Variants in CAMTA1 observed in about 807,000 individuals in gnomAD.
CAMTA1 encodes the protein calmodulin-binding transcription activator 1.
CAMTA1 carries 27 observed loss-of-function variants against 170.9 expected under a neutral mutation model. The ratio of observed to expected loss-of-function variants is 0.16; its 90% CI spans 0.12 to 0.22. The LOEUF (loss-of-function observed/expected upper bound fraction) is 0.22. Ranked by LOEUF, CAMTA1 falls within the 10% of genes least tolerant of loss-of-function variation. The probability of loss-of-function intolerance (pLI) is 1.00; values close to 1 mark genes in which losing one functional copy is unlikely to be tolerated. For synonymous variants in CAMTA1, 833 were observed against 891.5 expected, an observed-to-expected ratio of 0.93 and a Z score of 1.17; for missense variants, 1,619 against 2,217.2, an observed-to-expected ratio of 0.73 and a Z score of 5.42.
At position 7,009,899 on chromosome 1, in the gene CAMTA1, G is replaced by GCTTGGT. The variant is rs1185674599; in HGVS notation, c.235-81403_235-81398dup. On this transcript the variant is annotated intron_variant, in intron 3 of 22. Transcript: ENST00000303635. ...CTGCGGTCCTCGTGCTTGGGCTCTAGCTTGGTCCAAAAGGCTTTCCTCAGG... is the reference window on the plus strand; with the variant it reads ...CTGCGGTCCTCGTGCTTGGGCTCTAGCTTGGTCTTGGTCCAAAAGGCTTTCCTCAGG... Among the ~76,000 whole-genome samples, 4 of 152,330 alleles carry GCTTGGT rather than the reference G, an allele frequency of 2.6e-5. No individual in the cohort carries two copies. The East Asian group carries it at 5.8e-4, about 22-fold the overall frequency.
At chr1:6,943,791 G>A (rs1237810642) in intron 3 of CAMTA1, among the ~76,000 whole-genome samples, 2 of 143,078 alleles carry the variant, frequency 1.4e-5, no homozygotes, top group Non-Finnish European at 3.0e-5. Flanking sequence ...AGGTTGCAGT[G>A]AGCCGAAATC....
At chr1:6,956,692 C>T (rs970489150) in intron 3 of CAMTA1, among the ~76,000 whole-genome samples, 5 of 152,088 alleles carry the variant, frequency 3.3e-5, no homozygotes, top group Non-Finnish European at 7.4e-5. Flanking sequence ...AGGATGGCCT[C>T]GTAAAGAGGG....
rs1699216751 is a variant in CAMTA1, at chr1:7,007,753, C to T, written c.235-83551C>T. On this transcript the variant is annotated intron_variant, in intron 3 of 22. Coordinates refer to ENST00000303635, the MANE Select transcript of CAMTA1 (RefSeq NM_015215.4). The surrounding 1 kb of genome is among the most constrained non-coding windows in gnomAD (Gnocchi z 4.5). Reference sequence around the variant, plus strand: ...TCTTCCAGTGCTTTCCGACCCTGTGCTTTTCTACCGACTTCTGGGCCGGGT... The same window carrying T: ...TCTTCCAGTGCTTTCCGACCCTGTGTTTTTCTACCGACTTCTGGGCCGGGT... Among the ~76,000 whole-genome samples, 1 of 152,184 alleles carries T rather than the reference C, an allele frequency of 6.6e-6. No homozygotes were observed. The highest frequency in any genetic ancestry group is 1.5e-5 in the Non-Finnish European group (1 of 68,032).
chr1:7,142,052 A>G (rs1358550746), intron 4 of CAMTA1: 1 of 515,676 alleles, frequency 1.9e-6, no homozygotes, highest in South Asian at 1.4e-5. Context: ...TGTGCTGGGA[A>G]GGGCCCTTGC....
chr1:7,623,679 G>A (rs2095614161), intron 6 of CAMTA1, among the ~76,000 whole-genome samples: 1 of 152,240 alleles, frequency 6.6e-6, no homozygotes, highest in Non-Finnish European at 1.5e-5. Context: ...TGTATTTTCA[G>A]GAGAGATGGG....
intron 3 of CAMTA1, among the ~76,000 whole-genome samples, chr1:6,940,141 A>C (rs1686185408): frequency 6.6e-6 from 1 of 152,238 alleles, no homozygotes; most frequent in Admixed American, 6.5e-5. Flanking sequence ...TCTCTAGAGA[A>C]ACAGGACCCC....
chr1:6,923,213 C>T (rs534253389), intron 3 of CAMTA1, among the ~76,000 whole-genome samples: 2 of 152,250 alleles, frequency 1.3e-5, no homozygotes, highest in East Asian at 3.9e-4. Context: ...ATAGCACTGG[C>T]TGGTGCTGTC....
intron 5 of CAMTA1, among the ~76,000 whole-genome samples, chr1:7,310,940 A>G (rs1676640050): frequency 6.6e-6 from 1 of 152,190 alleles, no homozygotes; most frequent in Middle Eastern, 3.4e-3. Flanking sequence ...CATGTTGGCC[A>G]GGCTGATCTC....
chr1:7,419,239 T>G (rs895804430), intron 5 of CAMTA1, among the ~76,000 whole-genome samples: 2 of 152,176 alleles, frequency 1.3e-5, no homozygotes, highest in Non-Finnish European at 2.9e-5. Context: ...CACTGCAACC[T>G]CCACCTCCTG....
intron 4 of CAMTA1, among the ~76,000 whole-genome samples, chr1:7,130,997 AG>A (rs969729681): frequency 8.6e-5 from 13 of 150,384 alleles, no homozygotes; most frequent in African/African-American, 3.2e-4. Flanking sequence ...CTCTGTCACC[AG>A]GCTGGAGTGC....
chr1:6,831,671 A>C (rs1557652763), intron 3 of CAMTA1, among the ~76,000 whole-genome samples: 2 of 152,222 alleles, frequency 1.3e-5, no homozygotes, highest in South Asian at 2.1e-4. Flanking sequence ...TTTTTGAACT[A>C]ATGTTCTTTT....
intron 7 of CAMTA1, among the ~76,000 whole-genome samples, chr1:7,656,722 G>A (rs1360329429): frequency 6.6e-6 from 1 of 152,210 alleles, no homozygotes. Flanking sequence ...CCTTCCCCCA[G>A]CCCTCTCTTC....
intron 11 of CAMTA1, among the ~76,000 whole-genome samples, chr1:7,714,412 C>T (rs1486985222): frequency 3.9e-5 from 6 of 152,204 alleles, no homozygotes; most frequent in Admixed American, 2.0e-4. Context: ...TTTGCTGAAT[C>T]GCTTCGATGA....
intron 4 of CAMTA1, among the ~76,000 whole-genome samples, chr1:7,208,851 C>T (rs1306816098): frequency 6.6e-6 from 1 of 152,100 alleles, no homozygotes; most frequent in Non-Finnish European, 1.5e-5. Context: ...ATGTTAAATC[C>T]TTGGGACCTC....
At chr1:6,796,133 T>C (rs2148119317) in intron 1 of CAMTA1, among the ~76,000 whole-genome samples, 1 of 115,498 alleles carries the variant, frequency 8.7e-6, no homozygotes, top group Admixed American at 8.2e-5. Context: ...ATAGCATTTC[T>C]TTTTTTTTTT....
intron 22 of CAMTA1, among the ~76,000 whole-genome samples, chr1:7,756,601 T>A (rs1409600222): frequency 6.6e-6 from 1 of 152,108 alleles, no homozygotes; most frequent in African/African-American, 2.4e-5. Context: ...ATAATCCCAG[T>A]GCTTTGGGAG....
chr1:7,373,122 C>CT (rs894670319), intron 5 of CAMTA1, among the ~76,000 whole-genome samples: 1 of 152,188 alleles, frequency 6.6e-6, no homozygotes, highest in African/African-American at 2.4e-5. Context: ...AATCTTGGCT[C>CT]TATCAGCCAT....
chr1:7,568,121 TATC>T (rs2095066161), intron 6 of CAMTA1, among the ~76,000 whole-genome samples: 2 of 150,116 alleles, frequency 1.3e-5, no homozygotes, highest in Admixed American at 1.3e-4. Flanking sequence ...CCATCTCCAT[TATC>T]ATCATCATGA....
intron 4 of CAMTA1, among the ~76,000 whole-genome samples, chr1:7,199,399 C>T (rs1006270319): frequency 1.3e-5 from 2 of 152,254 alleles, no homozygotes; most frequent in African/African-American, 2.4e-5. Flanking sequence ...TCAGGGAGGA[C>T]GCCTGCTGCT....
Sources: gnomAD v4.1 joint callset for allele counts (sites outside exome capture counted in the v4.1 genomes callset) on GRCh38, gnomAD v4.1.1 for gene constraint, Gnocchi (gnomAD v3.1) non-coding constraint, MANE v1.5 for transcripts, NCBI Gene and HGNC (gene_info 2026-07-23, HGNC 2026-07-21) for gene names.